Variants in FAXDC2 observed in about 807,000 individuals in gnomAD.
The protein encoded by FAXDC2 is fatty acid hydroxylase domain containing 2.
Under a neutral mutation model 40.9 loss-of-function variants are expected in FAXDC2, and 41 were observed. That is an observed-to-expected ratio of 1.00 (90% confidence interval 0.78 to 1.30). The LOEUF (loss-of-function observed/expected upper bound fraction) is 1.30. Among genes scored for constraint, FAXDC2 ranks in the 50% most tolerant of loss-of-function variants. The probability of loss-of-function intolerance (pLI) is 0.00; values close to 1 mark genes in which losing one functional copy is unlikely to be tolerated. For synonymous variants in FAXDC2, 157 were observed against 149.3 expected, an observed-to-expected ratio of 1.05 and a Z score of -0.38; for missense variants, 390 against 408.8, an observed-to-expected ratio of 0.95 and a Z score of 0.40.
intron 5 of FAXDC2, among the ~76,000 whole-genome samples, chr5:154,827,320 A>G (rs1009752369): frequency 6.6e-6 from 1 of 151,204 alleles, no homozygotes; most frequent in Non-Finnish European, 1.5e-5. Flanking sequence ...AAAAAAAAAA[A>G]CCAACAAAAC....
At chr5:154,829,022 C>T (rs548639414) in intron 5 of FAXDC2, among the ~76,000 whole-genome samples, 27 of 150,428 alleles carry the variant, frequency 1.8e-4, no homozygotes, top group Admixed American at 1.1e-3. Context: ...CAGGTTCAAG[C>T]AATTCTCCTC....
chr5:154,843,555 C>A (rs979784156), intron 1 of FAXDC2, among the ~76,000 whole-genome samples: 7 of 152,184 alleles, frequency 4.6e-5, no homozygotes, highest in African/African-American at 1.4e-4. Context: ...ACCAAGAAAT[C>A]TCTATAGGAA....
At chr5:154,841,929 G>A (rs1293182172) in intron 1 of FAXDC2, among the ~76,000 whole-genome samples, 1 of 151,964 alleles carries the variant, frequency 6.6e-6, no homozygotes, top group Non-Finnish European at 1.5e-5. Context: ...GTAGAGTCGG[G>A]GTTTTGCCAT....
rs1561651280 is a variant in FAXDC2 at position 154,822,584 on chromosome 5, AAATAGTT to A, written c.573-14_573-8del. 2 of 1,607,694 alleles carry A rather than the reference AAATAGTT, an allele frequency of 1.2e-6. No homozygotes were observed. The highest frequency in any genetic ancestry group is 1.3e-5 in the African/African-American group (1 of 74,744). On this transcript the variant is annotated splice_polypyrimidine_tract_variant and splice_region_variant and intron_variant, in intron 6 of 8. Coordinates refer to ENST00000326080, the MANE Select transcript of FAXDC2 (RefSeq NM_032385.5). ...TGTTGGGTGGTGAAGGAGCCTGGGG[AAATAGTT>A]AATAGTTAATAACCTGCTGATTCCT...
intron 1 of FAXDC2, among the ~76,000 whole-genome samples, chr5:154,840,879 A>C (rs1161313091): frequency 2.0e-5 from 3 of 152,176 alleles, no homozygotes; most frequent in Non-Finnish European, 4.4e-5. Context: ...CTTAGGCTGA[A>C]GAAAGGAAGA....
At chr5:154,846,017 T>C (rs1760591526) in intron 1 of FAXDC2, among the ~76,000 whole-genome samples, 1 of 151,700 alleles carries the variant, frequency 6.6e-6, no homozygotes, top group Non-Finnish European at 1.5e-5. Context: ...TTGGCCAGGA[T>C]GGTCTCGATC....
chr5:154,822,693 A>C (rs1455320392), intron 6 of FAXDC2, 116 bp from the exon 7 acceptor site: 8 of 742,190 alleles, frequency 1.1e-5, no homozygotes, highest in Admixed American at 4.5e-5. Context: ...AAAGTTAACA[A>C]CACCAAGACC....
chr5:154,822,186 G>A (rs1160570310), intron 7 of FAXDC2: 1 of 313,242 alleles, frequency 3.2e-6, no homozygotes. Flanking sequence ...TGAGCCCAGG[G>A]GTTGGAGGCT....
At chr5:154,839,395 C>T (rs1479805985) in intron 1 of FAXDC2, among the ~76,000 whole-genome samples, 1 of 150,718 alleles carries the variant, frequency 6.6e-6, no homozygotes, top group Non-Finnish European at 1.5e-5. Context: ...GTAGTCCCAA[C>T]ACTTGGGGAG....
intron 4 of FAXDC2, among the ~76,000 whole-genome samples, chr5:154,834,161 CTA>C (rs1760262613): frequency 6.6e-6 from 1 of 151,624 alleles, no homozygotes; most frequent in South Asian, 2.1e-4. Flanking sequence ...TTATAAATAT[CTA>C]TGTTTACATG....
intron 1 of FAXDC2, among the ~76,000 whole-genome samples, chr5:154,840,725 A>G (rs1023483870): frequency 1.3e-5 from 2 of 151,824 alleles, no homozygotes; most frequent in Admixed American, 6.6e-5. Flanking sequence ...TAATTTTTGT[A>G]TTTTTTGTAG....
intron 1 of FAXDC2, among the ~76,000 whole-genome samples, chr5:154,846,269 A>AGT (rs10674936): frequency 0.41 from 60,227 of 147,266 alleles, 12,570 homozygotes; most frequent in Middle Eastern, 0.52. Context: ...TGAACTAGAT[A>AGT]GTGTGTGTGT....
chr5:154,830,700 C>T (rs1208722709), intron 5 of FAXDC2, 101 bp downstream of exon 5: 3 of 1,403,006 alleles, frequency 2.1e-6, no homozygotes, highest in Non-Finnish European at 9.9e-7. Flanking sequence ...TAACTTGGCT[C>T]ACACTGGCCA....
At chr5:154,820,564 C>T (rs1759859536) in intron 8 of FAXDC2, 92 bp from the exon 9 acceptor site, 4 of 1,062,374 alleles carry the variant, frequency 3.8e-6, no homozygotes, top group Non-Finnish European at 5.5e-6. Context: ...ATTTCTCAGC[C>T]CTCCTACCCC....
At chr5:154,824,919 T>C (rs767764251) in intron 5 of FAXDC2, among the ~76,000 whole-genome samples, 1 of 151,982 alleles carries the variant, frequency 6.6e-6, no homozygotes, top group Non-Finnish European at 1.5e-5. Context: ...CGAAACCCCA[T>C]CTAATTTTTT....
intron 7 of FAXDC2, 99 bp downstream of exon 7, chr5:154,822,373 A>C: frequency 1.3e-6 from 1 of 788,588 alleles, no homozygotes; most frequent in East Asian, 2.5e-5. Context: ...AAATGGGAAG[A>C]AAAAGGGCCG....
In FAXDC2 at chr5:154,820,324, T is replaced by C. The variant is rs187927770; in HGVS notation, c.994A>G (p.Met332Val). 9.2e-5 allele frequency: 148 copies of C among 1,608,566 alleles called. No homozygotes were observed. In the African/African-American group the frequency reaches 1.8e-3, roughly 20 times the overall value. The change falls in exon 9 of 9, where the codon ATG (methionine) becomes GTG (valine). Residue 332 changes from methionine (M) to valine (V), a missense_variant. Met to Val is a conservative substitution (Grantham distance 21). Transcript: ENST00000326080. Reference protein sequence around the residue: ...SESIPDSPKRME With the variant: ...SESIPDSPKRVE Reference sequence around the variant, plus strand: ...GACACTTAGGCTGTCTCTCACTCCATCCTCTTTGGGGAGTCTGGGATGCTC... The same window carrying C: ...GACACTTAGGCTGTCTCTCACTCCACCCTCTTTGGGGAGTCTGGGATGCTC...
intron 5 of FAXDC2, chr5:154,824,251 A>G (rs118151375): frequency 3.6e-5 from 20 of 551,222 alleles, no homozygotes; most frequent in African/African-American, 3.0e-4. Flanking sequence ...ACTGCAGCCA[A>G]TATTTCCCCC....
chr5:154,850,206 A>C (rs1411701134), intron 1 of FAXDC2, among the ~76,000 whole-genome samples: 1 of 152,218 alleles, frequency 6.6e-6, no homozygotes, highest in African/African-American at 2.4e-5. Context: ...CAATTGCTAG[A>C]AAAATTAGAC....
Sources: gnomAD v4.1 joint callset for allele counts (sites outside exome capture counted in the v4.1 genomes callset) on GRCh38, gnomAD v4.1.1 for gene constraint, MANE v1.5 for transcripts, NCBI Gene and HGNC (gene_info 2026-07-23, HGNC 2026-07-21) for gene names.